Variants in PHF6 observed in about 807,000 individuals in gnomAD.
PHF6 encodes the protein PHD-like zinc finger protein.
PHF6 carries 7 observed loss-of-function variants against 34.0 expected under a neutral mutation model. That is an observed-to-expected ratio of 0.21 (90% CI 0.12 to 0.39). The LOEUF is 0.39. PHF6 is among the 10% of genes least tolerant of loss of function. PHF6 has a pLI of 1.00. For synonymous variants in PHF6, 89 were observed against 88.4 expected, an observed-to-expected ratio of 1.01 and a Z score of -0.04; for missense variants, 128 against 262.8, an observed-to-expected ratio of 0.49 and a Z score of 3.55.
chrX:134,377,056 AG>A (rs1282032536), intron 1 of PHF6, among the ~76,000 whole-genome samples: 1 of 111,772 alleles, frequency 8.9e-6, no homozygotes, highest in Non-Finnish European at 1.9e-5. Flanking sequence ...TCGCCTTGAA[AG>A]GGCACCTAGT....
intron 5 of PHF6, among the ~76,000 whole-genome samples, chrX:134,410,091 C>T (rs1325527411): frequency 3.6e-5 from 4 of 111,870 alleles, no homozygotes; most frequent in Non-Finnish European, 7.5e-5. Flanking sequence ...AATAGTGCTG[C>T]GGTGAACATA....
chrX:134,416,922 T>G (rs756779088), intron 8 of PHF6, among the ~76,000 whole-genome samples: 1 of 112,199 alleles, frequency 8.9e-6, no homozygotes, highest in Admixed American at 9.5e-5. Context: ...GAGGAGAATC[T>G]TATCTACATT....
chrX:134,419,934 C>T (rs1338622150), intron 9 of PHF6: 2 of 111,954 alleles, frequency 1.8e-5, no homozygotes, highest in Non-Finnish European at 3.8e-5. Context: ...TAATCCCACA[C>T]TTGGGAGGCC....
intron 3 of PHF6, among the ~76,000 whole-genome samples, chrX:134,378,720 G>T (rs1018433054): frequency 3.6e-5 from 4 of 112,451 alleles, no homozygotes; most frequent in African/African-American, 6.5e-5. Flanking sequence ...TGTCATCTCA[G>T]TTGGTACTTA....
intron 9 of PHF6, among the ~76,000 whole-genome samples, chrX:134,422,375 A>T (rs2077495027): frequency 2.7e-5 from 3 of 112,414 alleles, no homozygotes; most frequent in African/African-American, 9.7e-5. Context: ...ACTTGGATCC[A>T]TAATGATTTG....
At chrX:134,394,612 C>A (rs1483129464) in intron 5 of PHF6, among the ~76,000 whole-genome samples, 1 of 106,784 alleles carries the variant, frequency 9.4e-6, no homozygotes, top group African/African-American at 3.4e-5. Flanking sequence ...GTGATCTTGG[C>A]TCACTGCAAG....
At chrX:134,397,785 A>C (rs1329362591) in intron 5 of PHF6, among the ~76,000 whole-genome samples, 1 of 112,243 alleles carries the variant, frequency 8.9e-6, no homozygotes, top group Non-Finnish European at 1.9e-5. Context: ...CAGGCCTGTT[A>C]GGTAATTGGA....
At position 134,377,816 on chromosome X, in the gene PHF6, G is replaced by C. The variant is rs1000223727; in HGVS notation, c.138+61G>C. 82 of 1,078,385 alleles carry C rather than the reference G, an allele frequency of 7.6e-5. No homozygotes were observed. In the Middle Eastern group the frequency reaches 1.3e-3, roughly 16 times the overall value. 88.9% of individuals were successfully genotyped at this position (1,078,385 alleles called of 1,213,427 possible). ...ATTCATGAGACTCTTAATAACACAT[G>C]AATGTTCCTGAATACTAAAAAAAAA... is the stretch of plus-strand genomic sequence containing the variant. On this transcript the variant is annotated intron_variant, in intron 2 of 10. Transcript: ENST00000370803.
rs1203604702 is a variant in PHF6 at position 134,427,067 on chromosome X, T to TG, written c.*1407_*1408insG. ...TACACTGTGCTTAATGACTGATTTT[T>TG]TTTTAAACTGCGAGTCCCTTAAGAT... On this transcript the variant is annotated 3_prime_UTR_variant, in exon 11 of 11. Transcript: ENST00000370803. The TG allele has an allele frequency of 6.1e-6, 1 of 164,580 alleles. No homozygotes were observed. The highest frequency in any genetic ancestry group is 8.9e-5 in the East Asian group (1 of 11,266). The allele number at this position is 164,580 out of a possible 1,213,427, so 13.6% of individuals were successfully genotyped here.
At chrX:134,420,849 C>T (rs1301601339) in intron 9 of PHF6, among the ~76,000 whole-genome samples, 2 of 111,413 alleles carry the variant, frequency 1.8e-5, no homozygotes, top group Non-Finnish European at 3.8e-5. Flanking sequence ...CCACCTGAGC[C>T]TCCCAAAGTG....
In PHF6 at chrX:134,396,385, A is replaced by T. The variant is rs181894314; in HGVS notation, c.418+2433A>T. Among the ~76,000 whole-genome samples, 714 of 111,929 alleles carry T rather than the reference A, an allele frequency of 6.4e-3. 5 individuals carry two copies. The highest frequency in any genetic ancestry group is 0.022 in the African/African-American group (680 of 30,851). ...TCCCTGGATTTCTGAAGCTGACAGT[A>T]CCATCTAGTGGTAGGGAGAAGTCAC... On this transcript the variant is annotated intron_variant, in intron 5 of 10. Coordinates refer to ENST00000370803, the MANE Select transcript of PHF6 (RefSeq NM_001015877.2).
chrX:134,419,523 G>A (rs909890647), intron 9 of PHF6: 1 of 111,649 alleles, frequency 9.0e-6, no homozygotes, highest in Non-Finnish European at 1.9e-5. Flanking sequence ...AAAGTAACGA[G>A]TGCTCTTGGT....
intron 5 of PHF6, among the ~76,000 whole-genome samples, chrX:134,400,554 A>G (rs922230863): frequency 4.5e-5 from 5 of 110,370 alleles, no homozygotes; most frequent in African/African-American, 1.7e-4. Context: ...CACTGTAATA[A>G]GAGGGAACGA....
At chrX:134,403,104 C>T (rs936244701) in intron 5 of PHF6, among the ~76,000 whole-genome samples, 2 of 111,913 alleles carry the variant, frequency 1.8e-5, no homozygotes, top group African/African-American at 6.5e-5. Context: ...AGAGTTGTAC[C>T]TTTCTCACTT....
intron 5 of PHF6, among the ~76,000 whole-genome samples, chrX:134,398,245 T>C (rs1174879868): frequency 9.0e-6 from 1 of 111,269 alleles, no homozygotes; most frequent in East Asian, 2.8e-4. Context: ...TTTTAAAAAT[T>C]AGCTGAGTAT....
intron 5 of PHF6, among the ~76,000 whole-genome samples, chrX:134,394,232 C>T (rs1012519843): frequency 9.2e-6 from 1 of 109,098 alleles, no homozygotes; most frequent in African/African-American, 3.3e-5. Context: ...CTTTCAGGTT[C>T]GAGCAATTTT....
intron 9 of PHF6, among the ~76,000 whole-genome samples, chrX:134,421,534 T>C (rs1040079149): frequency 5.4e-5 from 6 of 111,756 alleles, no homozygotes; most frequent in African/African-American, 6.5e-5. Flanking sequence ...TGGAGAATTA[T>C]TGTATTTAAA....
At chrX:134,409,300 T>C (rs1735355331) in intron 5 of PHF6, among the ~76,000 whole-genome samples, 1 of 111,574 alleles carries the variant, frequency 9.0e-6, no homozygotes, top group African/African-American at 3.3e-5. Context: ...ATGCCACCAT[T>C]ATCATATTTT....
chrX:134,385,907 C>T (rs1326676766), intron 3 of PHF6, among the ~76,000 whole-genome samples: 2 of 111,668 alleles, frequency 1.8e-5, no homozygotes, highest in Non-Finnish European at 3.8e-5. Context: ...TTATCAAATA[C>T]TTTAGTGCCC....
Sources: allele counts gnomAD v4.1 joint callset (sites outside exome capture counted in the v4.1 genomes callset), GRCh38; gene constraint gnomAD v4.1.1; transcripts MANE v1.5; gene names NCBI Gene and HGNC (gene_info 2026-07-23, HGNC 2026-07-21).